Variants in RBFOX1 observed in about 807,000 individuals in gnomAD.
RBFOX1 encodes the protein RNA binding protein fox-1 homolog 1.
In RBFOX1, 8 loss-of-function variants were observed where a neutral mutation model predicts 57.7. That is an observed-to-expected ratio of 0.14 (90% CI 0.08 to 0.25). The LOEUF is 0.25. Among genes scored for constraint, RBFOX1 ranks in the 10% least tolerant of loss-of-function variants. The probability of loss-of-function intolerance (pLI) is 1.00; values close to 1 mark genes in which losing one functional copy is unlikely to be tolerated. For synonymous variants in RBFOX1, 326 were observed against 222.4 expected, an observed-to-expected ratio of 1.47 and a Z score of -4.15; for missense variants, 611 against 548.5, an observed-to-expected ratio of 1.11 and a Z score of -1.14.
At chr16:6,409,557 C>A (rs774386905) in intron 2 of RBFOX1, among the ~76,000 whole-genome samples, 1 of 152,052 alleles carries the variant, frequency 6.6e-6, no homozygotes, top group Non-Finnish European at 1.5e-5. Flanking sequence ...TAATATACCT[C>A]CATGAAAAGT....
chr16:5,363,657 T>G (rs1020767012), intron 1 of RBFOX1, among the ~76,000 whole-genome samples: 1 of 152,174 alleles, frequency 6.6e-6, no homozygotes, highest in Admixed American at 6.5e-5. Context: ...ATCATGACCC[T>G]TCTTGCACAC....
chr16:6,440,656 C>A (rs1328771154), intron 2 of RBFOX1, among the ~76,000 whole-genome samples: 1 of 151,954 alleles, frequency 6.6e-6, no homozygotes, highest in African/African-American at 2.4e-5. Context: ...CAAAAATTAG[C>A]TGGGTGTGGT....
chr16:6,414,172 GGAA>G lies in RBFOX1; in HGVS notation c.-64+97118_-64+97120del, dbSNP rs1221746298. 2.0e-5 allele frequency among the ~76,000 whole-genome samples: 3 copies of G among 152,186 alleles called. No homozygotes were observed. In the East Asian group the frequency reaches 5.8e-4, roughly 29 times the overall value. ...AACTCTTGGAGGCTTTTTAAGCAGG[GGAA>G]GATGATCTGATTTCCATTTTGTGAA... On this transcript the variant is annotated intron_variant, in intron 2 of 15. Coordinates refer to ENST00000550418, the MANE Select transcript of RBFOX1 (RefSeq NM_018723.4).
At chr16:6,927,801 C>G (rs568050391) in intron 3 of RBFOX1, among the ~76,000 whole-genome samples, 5 of 152,258 alleles carry the variant, frequency 3.3e-5, no homozygotes, top group African/African-American at 7.2e-5. Flanking sequence ...AGCCACCACC[C>G]TAAAGAGCCA....
At chr16:6,539,843 T>C (rs898859931) in intron 2 of RBFOX1, among the ~76,000 whole-genome samples, 1 of 69,708 alleles carries the variant, frequency 1.4e-5, no homozygotes, top group African/African-American at 3.6e-5. Flanking sequence ...ACACAGACTT[T>C]AGAATTATCT....
intron 3 of RBFOX1, among the ~76,000 whole-genome samples, chr16:5,657,873 A>G (rs2049503340): frequency 6.6e-6 from 1 of 150,852 alleles, no homozygotes; most frequent in Non-Finnish European, 1.5e-5. Flanking sequence ...CTGGGATTAC[A>G]GGCATCCACA....
chr16:7,697,841 G>T (rs755218195), intron 14 of RBFOX1, among the ~76,000 whole-genome samples: 4 of 152,142 alleles, frequency 2.6e-5, no homozygotes, highest in South Asian at 2.1e-4. Flanking sequence ...TGACAAAGTT[G>T]TTACTATTTG....
chr16:7,279,285 G>T (rs1354755435), intron 4 of RBFOX1, among the ~76,000 whole-genome samples: 1 of 152,112 alleles, frequency 6.6e-6, no homozygotes, highest in East Asian at 1.9e-4. Context: ...GTGGTACAGT[G>T]TCTCTTTGGT....
chr16:7,551,438 A>T (rs1017744719), intron 5 of RBFOX1, among the ~76,000 whole-genome samples: 116 of 152,246 alleles, frequency 7.6e-4, no homozygotes, highest in African/African-American at 2.5e-3. Context: ...CAAATAAGGA[A>T]TATTTGGGGC....
At chr16:6,246,755 C>A (rs552306143) in intron 1 of RBFOX1, among the ~76,000 whole-genome samples, 1 of 152,186 alleles carries the variant, frequency 6.6e-6, no homozygotes, top group African/African-American at 2.4e-5. Flanking sequence ...GCCGCGGTCT[C>A]TATCTTGTTT....
At chr16:6,757,473 T>G (rs556267243) in intron 3 of RBFOX1, among the ~76,000 whole-genome samples, 1 of 152,276 alleles carries the variant, frequency 6.6e-6, no homozygotes, top group Admixed American at 6.5e-5. Context: ...TGAAAAAGGA[T>G]GAAATGCTGT....
chr16:6,729,479 C>T (rs1036101612), intron 3 of RBFOX1, among the ~76,000 whole-genome samples: 10 of 152,078 alleles, frequency 6.6e-5, no homozygotes, highest in African/African-American at 2.4e-5. Context: ...CCCAGCAATC[C>T]ATTAAAATGT....
chr16:6,250,008 C>T (rs12444771), intron 1 of RBFOX1, among the ~76,000 whole-genome samples: 19,387 of 151,904 alleles, frequency 0.13, 1,370 homozygotes, highest in Middle Eastern at 0.3. Flanking sequence ...GGTAGAAAGG[C>T]CAAAAGGAGG....
At chr16:5,758,485 C>A (rs192795627) in intron 3 of RBFOX1, among the ~76,000 whole-genome samples, 2 of 152,164 alleles carry the variant, frequency 1.3e-5, no homozygotes, top group Non-Finnish European at 1.5e-5. Context: ...GTGGCCCTGT[C>A]TGTTGGATGA....
intron 3 of RBFOX1, among the ~76,000 whole-genome samples, chr16:6,739,185 T>C (rs941864336): frequency 5.3e-5 from 8 of 149,574 alleles, no homozygotes; most frequent in African/African-American, 1.7e-4. Context: ...AAGAGAGAAA[T>C]GCTAGTTCTT....
At chr16:6,407,011 A>T (rs8043947) in intron 2 of RBFOX1, among the ~76,000 whole-genome samples, 1 of 151,954 alleles carries the variant, frequency 6.6e-6, no homozygotes, top group Non-Finnish European at 1.5e-5. Context: ...CCAATGAGAT[A>T]AACTCTTTTG....
intron 4 of RBFOX1, among the ~76,000 whole-genome samples, chr16:7,289,952 C>G (rs1351338783): frequency 6.6e-6 from 1 of 152,086 alleles, no homozygotes; most frequent in Admixed American, 6.5e-5. Context: ...GAAGGCAGGA[C>G]AAGGTTAGGA....
At chr16:6,875,338 G>A (rs866036181) in intron 3 of RBFOX1, among the ~76,000 whole-genome samples, 11 of 152,112 alleles carry the variant, frequency 7.2e-5, no homozygotes, top group African/African-American at 2.7e-4. Flanking sequence ...ATTTTAATCT[G>A]TCCTTTATAC....
chr16:7,008,530 A>T (rs759102416), intron 3 of RBFOX1, among the ~76,000 whole-genome samples: 1 of 152,028 alleles, frequency 6.6e-6, no homozygotes, highest in Admixed American at 6.6e-5. Context: ...ACAGGGCAAG[A>T]CTTTGTCTCA....
Sources: allele counts gnomAD v4.1 joint callset (sites outside exome capture counted in the v4.1 genomes callset), GRCh38; gene constraint gnomAD v4.1.1; transcripts MANE v1.5; gene names NCBI Gene and HGNC (gene_info 2026-07-23, HGNC 2026-07-21).